Variants in EXOC6 observed in about 807,000 individuals in gnomAD.
The protein encoded by EXOC6 is SEC15-like 1.
Under a neutral mutation model 112.5 loss-of-function variants are expected in EXOC6, and 60 were observed. The ratio of observed to expected loss-of-function variants is 0.53; its 90% CI spans 0.43 to 0.66. EXOC6 has a LOEUF of 0.66. Among genes scored for constraint, EXOC6 ranks in the 30% least tolerant of loss-of-function variants. The pLI is 0.00. For synonymous variants in EXOC6, 295 were observed against 308.0 expected, an observed-to-expected ratio of 0.96 and a Z score of 0.44; for missense variants, 855 against 957.1, an observed-to-expected ratio of 0.89 and a Z score of 1.41.
At chr10:92,853,625 A>G (rs1847455240) in intron 1 of EXOC6, among the ~76,000 whole-genome samples, 1 of 152,238 alleles carries the variant, frequency 6.6e-6, no homozygotes, top group Non-Finnish European at 1.5e-5. Flanking sequence ...ATGAAAAGGC[A>G]ATTCAGTAGA....
intron 1 of EXOC6, among the ~76,000 whole-genome samples, chr10:92,863,946 A>C (rs1305713812): frequency 1.3e-5 from 2 of 151,790 alleles, no homozygotes; most frequent in East Asian, 1.9e-4. Context: ...AAAAACAAAA[A>C]AAAAAGAAAA....
At chr10:92,859,042 G>A (rs527785308) in intron 1 of EXOC6, among the ~76,000 whole-genome samples, 184 of 152,336 alleles carry the variant, frequency 1.2e-3, no homozygotes, top group African/African-American at 4.2e-3. Flanking sequence ...TAGGATTACA[G>A]GCATGAGCCA....
intron 1 of EXOC6, among the ~76,000 whole-genome samples, chr10:92,840,291 T>G (rs1846799362): frequency 6.6e-6 from 1 of 152,224 alleles, no homozygotes; most frequent in South Asian, 2.1e-4. Context: ...AGTATATTCA[T>G]TAAGATCAAA....
At chr10:93,013,520 A>C (rs1590040873) in intron 19 of EXOC6, among the ~76,000 whole-genome samples, 1 of 152,314 alleles carries the variant, frequency 6.6e-6, no homozygotes, top group South Asian at 2.1e-4. Context: ...AGATAGGAGA[A>C]TCACTTGAAC....
intron 20 of EXOC6, among the ~76,000 whole-genome samples, chr10:93,044,886 T>A (rs1322730136): frequency 6.6e-6 from 1 of 152,092 alleles, no homozygotes. Flanking sequence ...TTGTTTCTGT[T>A]TTTGGAGACA....
chr10:93,049,248 A>G (rs571083353), intron 20 of EXOC6, among the ~76,000 whole-genome samples: 143 of 152,090 alleles, frequency 9.4e-4, no homozygotes, highest in African/African-American at 3.2e-3. Flanking sequence ...TTTTTAGTAG[A>G]GACAGGGTTT....
intron 11 of EXOC6, 135 bp from the exon 12 acceptor site, chr10:92,935,679 C>T: frequency 1.4e-6 from 1 of 693,646 alleles, no homozygotes; most frequent in Non-Finnish European, 2.4e-6. Context: ...ATCTAACCAA[C>T]CAAAATTTTA....
chr10:92,908,179 T>C (rs1401288416), intron 5 of EXOC6, among the ~76,000 whole-genome samples: 1 of 149,218 alleles, frequency 6.7e-6, no homozygotes, highest in African/African-American at 2.5e-5. Flanking sequence ...CTCAGCCTCC[T>C]GAGTAGCTGG....
chr10:92,943,524 C>T (rs927842991), intron 13 of EXOC6, among the ~76,000 whole-genome samples: 2 of 152,260 alleles, frequency 1.3e-5, no homozygotes, highest in Middle Eastern at 6.8e-3. Flanking sequence ...GTATGCAGCT[C>T]TCTCTCACTA....
At chr10:92,899,851 T>C (rs946381392) in intron 5 of EXOC6, 7 of 448,226 alleles carry the variant, frequency 1.6e-5, no homozygotes, top group Non-Finnish European at 2.8e-5. Context: ...ATAAATGATA[T>C]CAAGGATTGG....
At chr10:92,945,285 C>T (rs1427574987) in intron 13 of EXOC6, among the ~76,000 whole-genome samples, 1 of 152,096 alleles carries the variant, frequency 6.6e-6, no homozygotes, top group Non-Finnish European at 1.5e-5. Context: ...TTATATGTAT[C>T]AGATATATAT....
intron 12 of EXOC6, among the ~76,000 whole-genome samples, chr10:92,936,779 T>C (rs1017043252): frequency 2.0e-5 from 3 of 152,182 alleles, no homozygotes; most frequent in Non-Finnish European, 2.9e-5. Context: ...GGGTGGGGTG[T>C]GTACACCCTC....
intron 19 of EXOC6, among the ~76,000 whole-genome samples, chr10:93,007,852 C>A (rs1396108189): frequency 1.3e-5 from 2 of 152,136 alleles, no homozygotes; most frequent in Admixed American, 6.5e-5. Context: ...AGATCAGACA[C>A]CTCCTTCTCT....
chr10:92,925,842 T>G (rs1851683821), intron 8 of EXOC6, among the ~76,000 whole-genome samples: 1 of 152,100 alleles, frequency 6.6e-6, no homozygotes, highest in South Asian at 2.1e-4. Flanking sequence ...AAAAAAATTT[T>G]TTTTAAAGAG....
At chr10:92,876,198 AT>A (rs1302564714) in intron 1 of EXOC6, among the ~76,000 whole-genome samples, 39 of 152,312 alleles carry the variant, frequency 2.6e-4, no homozygotes, top group African/African-American at 9.4e-4. Flanking sequence ...TTTGTGTGAA[AT>A]TTTATGAAAA....
chr10:92,907,839 C>G (rs1850529291), intron 5 of EXOC6, among the ~76,000 whole-genome samples: 1 of 152,068 alleles, frequency 6.6e-6, no homozygotes, highest in African/African-American at 2.4e-5. Context: ...AATGACATCT[C>G]TCCTACCCAT....
chr10:92,992,608 A>G (rs934700187), intron 18 of EXOC6, among the ~76,000 whole-genome samples: 1 of 152,132 alleles, frequency 6.6e-6, no homozygotes, highest in African/African-American at 2.4e-5. Flanking sequence ...ACTCTAGATT[A>G]GTGGTTCTTA....
intron 20 of EXOC6, among the ~76,000 whole-genome samples, chr10:93,016,822 T>A (rs1174374676): frequency 1.3e-5 from 2 of 152,000 alleles, no homozygotes; most frequent in East Asian, 1.9e-4. Context: ...TTTTCTTTTT[T>A]TTTTTTTGAG....
intron 1 of EXOC6, among the ~76,000 whole-genome samples, chr10:92,869,157 G>A (rs898829555): frequency 6.6e-6 from 1 of 152,074 alleles, no homozygotes; most frequent in African/African-American, 2.4e-5. Flanking sequence ...ATTGAAATTA[G>A]TGCTTGGCTA....
Sources: gnomAD v4.1 joint callset for allele counts (sites outside exome capture counted in the v4.1 genomes callset) on GRCh38, gnomAD v4.1.1 for gene constraint, MANE v1.5 for transcripts, NCBI Gene and HGNC (gene_info 2026-07-23, HGNC 2026-07-21) for gene names.